Variants in EXOC6B observed in about 807,000 individuals in gnomAD.
The protein encoded by EXOC6B is exocyst complex component 6B, also known as SEC15 homolog B.
In EXOC6B, 54 loss-of-function variants were observed where a neutral mutation model predicts 113.5. The ratio of observed to expected loss-of-function variants is 0.48; its 90% CI spans 0.38 to 0.60. The LOEUF (loss-of-function observed/expected upper bound fraction) is 0.60. EXOC6B is among the 20% of genes least tolerant of loss of function. EXOC6B has a pLI of 0.00. For synonymous variants in EXOC6B, 357 were observed against 339.0 expected (o/e 1.05, Z -0.58); for missense variants, 797 against 977.5 (o/e 0.82, Z 2.46).
At chr2:72,243,799 G>A (rs1682479471) in intron 20 of EXOC6B, among the ~76,000 whole-genome samples, 1 of 151,984 alleles carries the variant, frequency 6.6e-6, no homozygotes. Context: ...AAATTATCAG[G>A]GATAAAGAGG....
rs573212993 is a variant in EXOC6B at position 72,233,734 on chromosome 2, G to A, written c.2197-49547C>T. The stretch of plus-strand genomic sequence containing the variant: ...ATTGTTCCACACCCTCACTAAATGC[G>A]GCTTCACTCCAGCTTCTGGCCTATC... On this transcript the variant is annotated intron_variant, in intron 20 of 21. Transcript: ENST00000272427. Among the ~76,000 whole-genome samples, 108 of 152,242 alleles carry A rather than the reference G, an allele frequency of 7.1e-4. 1 individual carries two copies. The highest frequency in any genetic ancestry group is 1.3e-3 in the Admixed American group (20 of 15,308).
At chr2:72,357,464 G>T (rs949504627) in intron 19 of EXOC6B, among the ~76,000 whole-genome samples, 3 of 152,134 alleles carry the variant, frequency 2.0e-5, no homozygotes, top group Non-Finnish European at 4.4e-5. Flanking sequence ...GGCAAGGCAG[G>T]TGGGTCATTT....
At chr2:72,408,760 AC>A (rs1425553379) in intron 18 of EXOC6B, among the ~76,000 whole-genome samples, 2 of 152,170 alleles carry the variant, frequency 1.3e-5, no homozygotes, top group Admixed American at 6.6e-5. Context: ...AACCATAAAA[AC>A]CCTAGAAGAA....
At chr2:72,810,158 G>A (rs1448618262) in intron 1 of EXOC6B, among the ~76,000 whole-genome samples, 1 of 151,926 alleles carries the variant, frequency 6.6e-6, no homozygotes, top group Non-Finnish European at 1.5e-5. Context: ...GATCAAATAG[G>A]AGCCTAAAGG....
At chr2:72,757,582 A>T (rs1347670371) in intron 1 of EXOC6B, among the ~76,000 whole-genome samples, 1 of 152,188 alleles carries the variant, frequency 6.6e-6, no homozygotes, top group African/African-American at 2.4e-5. Flanking sequence ...GTCTTTAAAA[A>T]TTTCCAGTTT....
At chr2:72,766,578 T>C (rs765181934) in intron 1 of EXOC6B, among the ~76,000 whole-genome samples, 1 of 152,072 alleles carries the variant, frequency 6.6e-6, no homozygotes, top group African/African-American at 2.4e-5. Context: ...TTTTTTATTA[T>C]AAAACTGGAG....
At chr2:72,797,798 G>A (rs948721906) in intron 1 of EXOC6B, among the ~76,000 whole-genome samples, 5 of 151,922 alleles carry the variant, frequency 3.3e-5, no homozygotes, top group African/African-American at 7.3e-5. Flanking sequence ...ACAACAAAGC[G>A]AGACTTCGTC....
intron 6 of EXOC6B, among the ~76,000 whole-genome samples, chr2:72,679,642 G>A (rs1277568805): frequency 1.3e-5 from 2 of 152,180 alleles, no homozygotes; most frequent in Non-Finnish European, 2.9e-5. Flanking sequence ...GAATTGGGAG[G>A]AGGTAACAGA....
intron 6 of EXOC6B, among the ~76,000 whole-genome samples, chr2:72,578,809 G>A (rs547791595): frequency 6.6e-6 from 1 of 152,070 alleles, no homozygotes; most frequent in Non-Finnish European, 1.5e-5. Context: ...TGAAGCAGCA[G>A]GAGAAGGACT....
chr2:72,343,803 C>G (rs890521316), intron 19 of EXOC6B, among the ~76,000 whole-genome samples: 2 of 151,936 alleles, frequency 1.3e-5, no homozygotes, highest in Non-Finnish European at 2.9e-5. Flanking sequence ...TATTGGCTTA[C>G]TGTGTCTGGC....
intron 20 of EXOC6B, among the ~76,000 whole-genome samples, chr2:72,242,495 GAGAAA>G (rs1172670237): frequency 6.6e-6 from 1 of 151,928 alleles, no homozygotes; most frequent in Non-Finnish European, 1.5e-5. Flanking sequence ...GATATGCTAA[GAGAAA>G]AGAAAAAAGA....
chr2:72,393,403 T>C (rs868541399), intron 18 of EXOC6B, among the ~76,000 whole-genome samples: 22 of 152,218 alleles, frequency 1.4e-4, no homozygotes, highest in Middle Eastern at 3.4e-3. Flanking sequence ...CAAAGATTTT[T>C]TTAGGGGAGT....
chr2:72,523,543 C>G (rs1043660301), intron 8 of EXOC6B, among the ~76,000 whole-genome samples: 1 of 152,088 alleles, frequency 6.6e-6, no homozygotes, highest in African/African-American at 2.4e-5. Context: ...CTTTGGGAGG[C>G]CGAGGCGGGC....
At chr2:72,514,075 C>G (rs555991533) in intron 10 of EXOC6B, among the ~76,000 whole-genome samples, 1 of 151,884 alleles carries the variant, frequency 6.6e-6, no homozygotes, top group African/African-American at 2.4e-5. Context: ...CTATATACAC[C>G]CTAGATGAGG....
At chr2:72,367,142 CACAA>C (rs1449339342) in intron 19 of EXOC6B, among the ~76,000 whole-genome samples, 1 of 151,870 alleles carries the variant, frequency 6.6e-6, no homozygotes, top group African/African-American at 2.4e-5. Flanking sequence ...ACAACAATAG[CACAA>C]ACAAAGGACA....
intron 18 of EXOC6B, among the ~76,000 whole-genome samples, chr2:72,440,102 T>G (rs1030347894): frequency 1.3e-5 from 2 of 152,104 alleles, no homozygotes; most frequent in Non-Finnish European, 2.9e-5. Flanking sequence ...CAAACGCACC[T>G]GTAGGAGGCG....
chr2:72,568,580 A>G (rs949185788), intron 7 of EXOC6B, among the ~76,000 whole-genome samples: 4 of 151,798 alleles, frequency 2.6e-5, no homozygotes, highest in African/African-American at 7.3e-5. Flanking sequence ...TTCAAAATCA[A>G]ATTTTTCAGA....
rs1005885709 is a variant in EXOC6B at position 72,264,789 on chromosome 2, T to A, written c.2196+70158A>T. Among the ~76,000 whole-genome samples the A allele has an allele frequency of 2.6e-5, 4 of 152,218 alleles. No homozygotes were observed. In the East Asian group the frequency reaches 7.8e-4, roughly 30 times the overall value. ...TATAAGCATCTGGCATTTCCCCTAC[T>A]GCCTCTCATTCTCTCTCCTACTGCC... On this transcript the variant is annotated intron_variant, in intron 20 of 21. Coordinates refer to ENST00000272427, the MANE Select transcript of EXOC6B (RefSeq NM_015189.3).
chr2:72,778,373 T>C (rs1683828954), intron 1 of EXOC6B, among the ~76,000 whole-genome samples: 1 of 152,068 alleles, frequency 6.6e-6, no homozygotes, highest in Non-Finnish European at 1.5e-5. Flanking sequence ...AAAACAAGCT[T>C]CAAGACAAAA....
Sources: gnomAD v4.1 joint callset for allele counts (sites outside exome capture counted in the v4.1 genomes callset) on GRCh38, gnomAD v4.1.1 for gene constraint, MANE v1.5 for transcripts, NCBI Gene and HGNC (gene_info 2026-07-23, HGNC 2026-07-21) for gene names.